The following DLG2 variants were observed in gnomAD, a reference collection of about 807,000 sequenced individuals.
DLG2 encodes the protein disks large homolog 2.
In DLG2, 45 loss-of-function variants were observed where a neutral mutation model predicts 132.5. That is an observed-to-expected ratio of 0.34 (90% confidence interval 0.27 to 0.44). The LOEUF (loss-of-function observed/expected upper bound fraction) is 0.44. DLG2 is among the 20% of genes least tolerant of loss of function. The probability of loss-of-function intolerance (pLI) is 1.00; values close to 1 mark genes in which losing one functional copy is unlikely to be tolerated. For synonymous variants in DLG2, 424 were observed against 419.6 expected, an observed-to-expected ratio of 1.01 and a Z score of -0.13; for missense variants, 1,045 against 1,196.9, an observed-to-expected ratio of 0.87 and a Z score of 1.87.
At chr11:85,578,747 T>C (rs1207254905) in intron 3 of DLG2, among the ~76,000 whole-genome samples, 1 of 152,066 alleles carries the variant, frequency 6.6e-6, no homozygotes, top group Non-Finnish European at 1.5e-5. Context: ...ACTAGAAAGG[T>C]TGCAGAGAAA....
chr11:84,299,633 G>A (rs934875390), intron 7 of DLG2, among the ~76,000 whole-genome samples: 2 of 152,190 alleles, frequency 1.3e-5, no homozygotes, highest in Non-Finnish European at 2.9e-5. Context: ...TGAGTGAACT[G>A]CAAAGAGTGG....
chr11:85,552,247 A>G (rs950886283), intron 3 of DLG2, among the ~76,000 whole-genome samples: 1 of 151,688 alleles, frequency 6.6e-6, no homozygotes, highest in East Asian at 1.9e-4. Flanking sequence ...AAGAATCTCA[A>G]ACCAAAATAT....
Position 83,456,735 on chromosome 11 carries a change from C to T in DLG2, c.*3083G>A, listed in dbSNP as rs577600094. 5.3e-5 allele frequency: 8 copies of T among 152,020 alleles called. No individual in the cohort carries two copies. Among genetic ancestry groups the T allele is most frequent in the South Asian group, 2.1e-4 (1 of 4,796 alleles). 9.4% of individuals were successfully genotyped at this position (152,020 alleles called of 1,614,324 possible). On this transcript the variant is annotated 3_prime_UTR_variant, in exon 28 of 28. Coordinates refer to ENST00000376104, the MANE Select transcript of DLG2 (RefSeq NM_001142699.3). ...AAGAATGAGAAAAAAAGTAGAGTCT[C>T]GAGCCAGAGGTTGGAGAGTTCTTTC... is the stretch of plus-strand genomic sequence containing the variant.
intron 17 of DLG2, among the ~76,000 whole-genome samples, chr11:83,807,026 T>C (rs1041303544): frequency 6.6e-6 from 1 of 152,174 alleles, no homozygotes; most frequent in Non-Finnish European, 1.5e-5. Context: ...AAATACAGCC[T>C]TAACTCCAAG....
chr11:84,109,634 G>A (rs2093219052), intron 9 of DLG2, among the ~76,000 whole-genome samples: 1 of 152,154 alleles, frequency 6.6e-6, no homozygotes, highest in South Asian at 2.1e-4. Flanking sequence ...CAGCAAATAT[G>A]TACTTCTCAT....
intron 4 of DLG2, among the ~76,000 whole-genome samples, chr11:85,276,545 A>G (rs1252397865): frequency 1.3e-5 from 2 of 152,140 alleles, no homozygotes; most frequent in Admixed American, 6.6e-5. Flanking sequence ...ATTTTAGCCC[A>G]TAATTGTCCC....
chr11:83,522,816 T>G (rs1189280719), intron 21 of DLG2, among the ~76,000 whole-genome samples: 10 of 83,702 alleles, frequency 1.2e-4, no homozygotes. Flanking sequence ...CCCCCCCCCC[T>G]TTTTTTTTTA....
At chr11:84,308,804 C>T (rs2098257711) in intron 7 of DLG2, among the ~76,000 whole-genome samples, 2 of 152,216 alleles carry the variant, frequency 1.3e-5, no homozygotes, top group African/African-American at 4.8e-5. Flanking sequence ...ATTGCCCGGG[C>T]CGGCAGGGCC....
At chr11:84,598,281 C>A (rs1249981425) in intron 6 of DLG2, among the ~76,000 whole-genome samples, 1 of 151,602 alleles carries the variant, frequency 6.6e-6, no homozygotes, top group Non-Finnish European at 1.5e-5. Context: ...TTCCTTAATT[C>A]CAAATTCAGT....
intron 6 of DLG2, among the ~76,000 whole-genome samples, chr11:84,859,416 G>GCATACATATGTATATATGTATAAAATA: frequency 7.2e-6 from 1 of 139,726 alleles, no homozygotes; most frequent in South Asian, 2.2e-4. Context: ...ACATATATAT[G>GCATACATATGTATATATGTATAAAATA]TATACATATA....
At chr11:83,808,475 AG>A (rs1392882404) in intron 17 of DLG2, among the ~76,000 whole-genome samples, 2 of 152,172 alleles carry the variant, frequency 1.3e-5, no homozygotes, top group African/African-American at 2.4e-5. Flanking sequence ...GTCATCCAGA[AG>A]GGGAAGAAGC....
chr11:84,590,511 A>T (rs902462902), intron 6 of DLG2, among the ~76,000 whole-genome samples: 1 of 152,216 alleles, frequency 6.6e-6, no homozygotes, highest in Admixed American at 6.5e-5. Flanking sequence ...ATCTGACAGT[A>T]TCTAGAGTAA....
At chr11:85,492,189 T>A (rs2093575719) in intron 3 of DLG2, among the ~76,000 whole-genome samples, 1 of 152,190 alleles carries the variant, frequency 6.6e-6, no homozygotes, top group African/African-American at 2.4e-5. Context: ...ATGCCACATA[T>A]GCATATTTCA....
chr11:84,544,408 T>C (rs1040744310), intron 6 of DLG2, among the ~76,000 whole-genome samples: 3 of 152,168 alleles, frequency 2.0e-5, no homozygotes, highest in African/African-American at 4.8e-5. Flanking sequence ...CTTGAGTAAT[T>C]CTCTCAAGAA....
intron 18 of DLG2, among the ~76,000 whole-genome samples, chr11:83,741,361 A>C (rs2153718821): frequency 6.6e-6 from 1 of 152,276 alleles, no homozygotes; most frequent in Non-Finnish European, 1.5e-5. Context: ...AAGAAATAAA[A>C]CTATCACTCT....
intron 18 of DLG2, among the ~76,000 whole-genome samples, chr11:83,734,100 C>A (rs1052432344): frequency 6.6e-5 from 10 of 152,070 alleles, no homozygotes; most frequent in Non-Finnish European, 1.5e-4. Context: ...TGATTTCATT[C>A]TTTTTTGGCT....
intron 7 of DLG2, among the ~76,000 whole-genome samples, chr11:84,307,920 G>T (rs2098242832): frequency 6.6e-6 from 1 of 152,068 alleles, no homozygotes; most frequent in African/African-American, 2.4e-5. Flanking sequence ...CGTTCCTCCC[G>T]GTGGATTCGT....
At position 84,978,378 on chromosome 11, in the gene DLG2, C is replaced by T. The variant is rs540253313; in HGVS notation, c.357+133283G>A. ...CAATCCTAAGCCAAAAGAACAAAGCCGGAGGCATCACGCTACCTGACTTCA... is the reference window on the plus strand; with the variant it reads ...CAATCCTAAGCCAAAAGAACAAAGCTGGAGGCATCACGCTACCTGACTTCA... On this transcript the variant is annotated intron_variant, in intron 6 of 27. Transcript: ENST00000376104. 2.7e-3 allele frequency among the ~76,000 whole-genome samples: 404 copies of T among 152,140 alleles called. 4 individuals carry two copies. The highest frequency in any genetic ancestry group is 8.6e-3 in the African/African-American group (356 of 41,504).
chr11:83,939,459 T>C (rs1360548624), intron 14 of DLG2, among the ~76,000 whole-genome samples: 8 of 151,992 alleles, frequency 5.3e-5, no homozygotes, highest in South Asian at 2.1e-4. Context: ...TGAGAAAAAC[T>C]TGGAAATAAC....
Sources: allele counts gnomAD v4.1 joint callset (sites outside exome capture counted in the v4.1 genomes callset), GRCh38; gene constraint gnomAD v4.1.1; transcripts MANE v1.5; gene names NCBI Gene and HGNC (gene_info 2026-07-23, HGNC 2026-07-21).